Variants in GCNT2 observed in about 807,000 individuals in gnomAD.
The protein encoded by GCNT2 is glucosaminyl (N-acetyl) transferase 2 (I blood group), also known as N-acetyllactosaminide beta-1,6-N-acetylglucosaminyl-transferase.
Under a neutral mutation model 34.2 loss-of-function variants are expected in GCNT2, and 34 were observed. The ratio of observed to expected loss-of-function variants is 1.00; its 90% CI spans 0.76 to 1.32. GCNT2 has a LOEUF of 1.32. Among genes scored for constraint, GCNT2 ranks in the 40% most tolerant of loss-of-function variants. The pLI, the probability that GCNT2 is intolerant of heterozygous loss-of-function variation, is 0.00. For missense variants in GCNT2, 584 were observed against 489.4 expected, an observed-to-expected ratio of 1.19 and a Z score of -1.82; for synonymous variants, 212 against 188.0, an observed-to-expected ratio of 1.13 and a Z score of -1.04.
At chr6:10,531,733 G>A (rs779494153) in intron 3 of GCNT2, among the ~76,000 whole-genome samples, 4 of 152,112 alleles carry the variant, frequency 2.6e-5, no homozygotes, top group Non-Finnish European at 4.4e-5. Context: ...TCCAGAGTAA[G>A]GGAAGTGAAA....
intron 3 of GCNT2, among the ~76,000 whole-genome samples, chr6:10,616,299 T>C (rs1445982388): frequency 1.3e-5 from 2 of 149,970 alleles, no homozygotes; most frequent in Non-Finnish European, 3.0e-5. Context: ...ACCACTCATA[T>C]AGGCTGTATG....
intron 3 of GCNT2, among the ~76,000 whole-genome samples, chr6:10,590,534 C>T (rs1216155427): frequency 6.6e-6 from 1 of 151,216 alleles, no homozygotes; most frequent in African/African-American, 2.4e-5. Context: ...AACTACTTGG[C>T]CCCACACTTC....
intron 3 of GCNT2, among the ~76,000 whole-genome samples, chr6:10,534,350 C>T (rs2113541707): frequency 6.6e-6 from 1 of 151,958 alleles, no homozygotes; most frequent in East Asian, 1.9e-4. Flanking sequence ...CCATGTTGGC[C>T]AGGCTAGTCT....
chr6:10,563,958 G>T (rs1169328563), intron 3 of GCNT2, among the ~76,000 whole-genome samples: 1 of 151,688 alleles, frequency 6.6e-6, no homozygotes, highest in African/African-American at 2.4e-5. Context: ...CAATTACTGC[G>T]AATATTCTGA....
Position 10,539,180 on chromosome 6 carries a change from CTTT to C in GCNT2, c.925+9368_925+9370del, listed in dbSNP as rs71548847. Among the ~76,000 whole-genome samples the C allele has an allele frequency of 3.4e-4, 22 of 65,326 alleles. No homozygotes were observed. The South Asian group carries it at 4.3e-3, about 13-fold the overall frequency. 42.9% of individuals were successfully genotyped at this position (65,326 alleles called of 152,430 possible). On this transcript the variant is annotated intron_variant, in intron 3 of 4. Coordinates refer to ENST00000495262, the MANE Select transcript of GCNT2 (RefSeq NM_145649.5). ...AGCCTATCTCTACAGCTCACCGTCT[CTTT>C]TTTTTTTTTTTTTTTTTTTTTTTGA...
At chr6:10,532,108 G>A (rs1344095723) in intron 3 of GCNT2, among the ~76,000 whole-genome samples, 1 of 152,102 alleles carries the variant, frequency 6.6e-6, no homozygotes, top group African/African-American at 2.4e-5. Context: ...GCAAAGCCAA[G>A]GGAAGCAGGG....
At position 10,628,073 on chromosome 6, in the gene GCNT2, CTG is replaced by C. The variant is rs531074704; in HGVS notation, c.*1468_*1469del. Reference sequence around the variant, plus strand: ...ATTTCTCTGGGTGAGAATTGGGACTCTGTTGCTGGTCTTCTCAGTTCATTTCC... The same window carrying C: ...ATTTCTCTGGGTGAGAATTGGGACTCTTGCTGGTCTTCTCAGTTCATTTCC... On this transcript the variant is annotated 3_prime_UTR_variant, in exon 5 of 5. Coordinates refer to ENST00000495262, the MANE Select transcript of GCNT2 (RefSeq NM_145649.5). 115 of 152,646 alleles carry C rather than the reference CTG, an allele frequency of 7.5e-4. No homozygotes were observed. Among genetic ancestry groups the C allele is most frequent in the African/African-American group, 2.5e-3 (103 of 41,528 alleles). 9.5% of individuals were successfully genotyped at this position (152,646 alleles called of 1,614,324 possible).
chr6:10,564,111 G>A (rs923372319), intron 3 of GCNT2, among the ~76,000 whole-genome samples: 1 of 152,094 alleles, frequency 6.6e-6, no homozygotes, highest in African/African-American at 2.4e-5. Context: ...CAGAGGTGCA[G>A]GAAAGATGAA....
chr6:10,574,723 CTT>C (rs1177025001), intron 3 of GCNT2: 7 of 499,640 alleles, frequency 1.4e-5, no homozygotes, highest in African/African-American at 4.0e-5. Context: ...GTCTAGAGGT[CTT>C]TTATTTTTTT....
chr6:10,546,627 C>G (rs1019134535), intron 3 of GCNT2, among the ~76,000 whole-genome samples: 4 of 152,086 alleles, frequency 2.6e-5, no homozygotes, highest in Non-Finnish European at 4.4e-5. Flanking sequence ...CCATTGTACT[C>G]TAGCCTGGGT....
chr6:10,556,148 G>A, intron 3 of GCNT2: 1 of 1,337,072 alleles, frequency 7.5e-7, no homozygotes. Context: ...TGCAAACGGG[G>A]AGGCAGAGGG....
intron 3 of GCNT2, among the ~76,000 whole-genome samples, chr6:10,583,927 T>C (rs1764227817): frequency 6.6e-6 from 1 of 152,128 alleles, no homozygotes; most frequent in South Asian, 2.1e-4. Context: ...AACTTAGGTG[T>C]GTTTGATGAA....
At chr6:10,546,734 T>G (rs567129025) in intron 3 of GCNT2, among the ~76,000 whole-genome samples, 1 of 152,068 alleles carries the variant, frequency 6.6e-6, no homozygotes, top group Non-Finnish European at 1.5e-5. Context: ...TTCAACCTTT[T>G]ATTTTATTTA....
intron 3 of GCNT2, among the ~76,000 whole-genome samples, chr6:10,576,981 A>G (rs753590405): frequency 1.3e-5 from 2 of 152,192 alleles, no homozygotes; most frequent in Non-Finnish European, 2.9e-5. Flanking sequence ...AGGAGGCTGA[A>G]GTGGAAGAAT....
chr6:10,521,813 A>C (rs566085440), intron 1 of GCNT2, among the ~76,000 whole-genome samples: 16 of 152,132 alleles, frequency 1.1e-4, no homozygotes, highest in African/African-American at 3.6e-4. Context: ...TTCACTTCAG[A>C]CTTAATGGTT....
At chr6:10,527,059 C>A (rs960472849) in intron 1 of GCNT2, among the ~76,000 whole-genome samples, 1 of 152,170 alleles carries the variant, frequency 6.6e-6, no homozygotes, top group African/African-American at 2.4e-5. Flanking sequence ...ATATCTCCTA[C>A]AAATCAGTAT....
intron 3 of GCNT2, chr6:10,581,687 C>T (rs1764073895): frequency 1.1e-6 from 1 of 902,392 alleles, no homozygotes; most frequent in African/African-American, 1.8e-5. Flanking sequence ...TTTGCATTGG[C>T]ACTTATCAGA....
intron 3 of GCNT2, chr6:10,581,724 A>G: frequency 2.0e-6 from 2 of 984,158 alleles, no homozygotes; most frequent in Non-Finnish European, 2.4e-6. Flanking sequence ...TCAAGGCTTG[A>G]GGCAAAGAGA....
At chr6:10,616,825 C>CA (rs1201162174) in intron 3 of GCNT2, among the ~76,000 whole-genome samples, 1 of 152,044 alleles carries the variant, frequency 6.6e-6, no homozygotes, top group Non-Finnish European at 1.5e-5. Flanking sequence ...TAACTAGACA[C>CA]AGAGTGCCAA....
Sources: gnomAD v4.1 joint callset for allele counts (sites outside exome capture counted in the v4.1 genomes callset) on GRCh38, gnomAD v4.1.1 for gene constraint, MANE v1.5 for transcripts, NCBI Gene and HGNC (gene_info 2026-07-23, HGNC 2026-07-21) for gene names.